The following TNRC6B variants were observed in gnomAD, a reference collection of about 807,000 sequenced individuals.
The protein encoded by TNRC6B is trinucleotide repeat containing adaptor 6B, also known as trinucleotide repeat-containing gene 6B protein.
A neutral mutation model predicts 203.6 loss-of-function variants in TNRC6B; 52 were observed. The ratio of observed to expected loss-of-function variants is 0.26; its 90% CI spans 0.20 to 0.32. TNRC6B has a LOEUF of 0.32. Ranked by LOEUF, TNRC6B falls within the 10% of genes least tolerant of loss-of-function variation. The probability of loss-of-function intolerance (pLI) is 1.00; values close to 1 mark genes in which losing one functional copy is unlikely to be tolerated. For synonymous variants in TNRC6B, 838 were observed against 845.7 expected (o/e 0.99, Z 0.16); for missense variants, 1,923 against 2,286.2 (o/e 0.84, Z 3.24).
chr22:40,272,074 G>A (rs1410774145), intron 6 of TNRC6B, among the ~76,000 whole-genome samples: 3 of 152,102 alleles, frequency 2.0e-5, no homozygotes, highest in Non-Finnish European at 4.4e-5. Context: ...TTTTTAGCTC[G>A]TGTTGCTTGT....
intron 1 of TNRC6B, among the ~76,000 whole-genome samples, chr22:40,084,796 AG>A (rs2068088528): frequency 2.0e-5 from 3 of 152,340 alleles, no homozygotes; most frequent in Non-Finnish European, 4.4e-5. Context: ...AGAGTGCAGT[AG>A]GAGTCAGATG....
At position 40,277,066 on chromosome 22, in the gene TNRC6B, C is replaced by T; in HGVS notation, c.3142-11C>T. On this transcript the variant is annotated splice_polypyrimidine_tract_variant and intron_variant, in intron 7 of 22. Transcript: ENST00000454349. ...TATTTGGTTCTGAGGTTCCGTGTTTCATTTCTGTAGTGCTCACTCAAAGGA... is the reference window on the plus strand; with the variant it reads ...TATTTGGTTCTGAGGTTCCGTGTTTTATTTCTGTAGTGCTCACTCAAAGGA... 6.4e-7 allele frequency: 1 copy of T among 1,567,746 alleles called. No homozygotes were observed. Among genetic ancestry groups the T allele is most frequent in the Non-Finnish European group, 8.6e-7 (1 of 1,160,266 alleles).
Position 40,329,861 on chromosome 22 carries a change from T to G in TNRC6B, c.*6620T>G, listed in dbSNP as rs1297015116. 1 of 152,234 alleles carries G rather than the reference T, an allele frequency of 6.6e-6. No individual in the cohort carries two copies. The highest frequency in any genetic ancestry group is 1.5e-5 in the Non-Finnish European group (1 of 68,052). The allele number at this position is 152,234 out of a possible 1,614,324, so 9.4% of individuals were successfully genotyped here. A position where few individuals can be genotyped will look rare whatever the true frequency, so the allele number is the denominator to read the frequency against. On this transcript the variant is annotated 3_prime_UTR_variant, in exon 23 of 23. Coordinates refer to ENST00000454349, the MANE Select transcript of TNRC6B (RefSeq NM_001162501.2). ...TCACCAAATTTAAATCGTTCCCTTT[T>G]CAGTTAGCTATATACCTGAATTTGT...
rs370069647 is a variant in TNRC6B at position 40,179,924 on chromosome 22, G to A, written c.5+1784G>A. On this transcript the variant is annotated intron_variant, in intron 1 of 22. Transcript: ENST00000454349. ...AAGCCCTCTGTCTCTAACAAGCAAG[G>A]ATTTTATTATTTTAAAAAATTAATG... 3.3e-5 allele frequency among the ~76,000 whole-genome samples: 5 copies of A among 152,240 alleles called. 1 individual carries two copies. Among genetic ancestry groups the A allele is most frequent in the East Asian group, 1.9e-4 (1 of 5,186 alleles).
At chr22:40,273,762 G>C (rs2070598680) in intron 7 of TNRC6B, among the ~76,000 whole-genome samples, 162 bp downstream of exon 7, 1 of 152,130 alleles carries the variant, frequency 6.6e-6, no homozygotes, top group South Asian at 2.1e-4. Flanking sequence ...CTGGGCTCAA[G>C]CAGTCCTCCC....
chr22:40,209,933 G>A (rs1359663163), intron 1 of TNRC6B, among the ~76,000 whole-genome samples: 1 of 151,634 alleles, frequency 6.6e-6, no homozygotes, highest in Non-Finnish European at 1.5e-5. Flanking sequence ...GCAGAGAATT[G>A]CTTGAACCCA....
chr22:40,284,015 G>A (rs2070752488), intron 11 of TNRC6B, among the ~76,000 whole-genome samples: 1 of 152,228 alleles, frequency 6.6e-6, no homozygotes, highest in Non-Finnish European at 1.5e-5. Flanking sequence ...TATCCTTGGT[G>A]AAATAAATGT....
At chr22:40,125,924 G>A (rs979653419) in intron 3 of TNRC6B, 4 of 1,478,744 alleles carry the variant, frequency 2.7e-6, no homozygotes, top group Admixed American at 2.3e-5. Flanking sequence ...CTGTGGATGA[G>A]TAGAATGGGT....
intron 3 of TNRC6B, among the ~76,000 whole-genome samples, chr22:40,254,101 A>G (rs1019402956): frequency 6.6e-5 from 10 of 152,174 alleles, no homozygotes; most frequent in African/African-American, 2.4e-4. Context: ...GGAATAGGGT[A>G]GAGATTTCAA....
chr22:40,243,479 A>C (rs565732078), intron 1 of TNRC6B, among the ~76,000 whole-genome samples: 1 of 152,250 alleles, frequency 6.6e-6, no homozygotes, highest in Non-Finnish European at 1.5e-5. Flanking sequence ...ATGAATTTCA[A>C]TCTATTTCCC....
chr22:40,116,675 A>G (rs758833662), intron 1 of TNRC6B, among the ~76,000 whole-genome samples: 1 of 152,168 alleles, frequency 6.6e-6, no homozygotes, highest in Non-Finnish European at 1.5e-5. Flanking sequence ...TGATGGGCTG[A>G]TATGAGGGGT....
chr22:40,304,530 G>A (rs73420560), intron 15 of TNRC6B, among the ~76,000 whole-genome samples: 4,356 of 152,178 alleles, frequency 0.029, 198 homozygotes, highest in African/African-American at 0.1. Context: ...AAAGAAATTC[G>A]AGAAGTAAGT....
chr22:40,226,379 A>C (rs2069785759), intron 1 of TNRC6B, among the ~76,000 whole-genome samples: 1 of 152,184 alleles, frequency 6.6e-6, no homozygotes, highest in Non-Finnish European at 1.5e-5. Flanking sequence ...GAGGATTTCC[A>C]GGATTCGAAT....
intron 1 of TNRC6B, among the ~76,000 whole-genome samples, chr22:40,210,922 A>G (rs1237951565): frequency 2.0e-5 from 3 of 152,156 alleles, no homozygotes; most frequent in African/African-American, 4.8e-5. Context: ...ACTAGATGCT[A>G]TTAGCACCCT....
intron 4 of TNRC6B, among the ~76,000 whole-genome samples, chr22:40,162,165 C>T (rs920091974): frequency 2.0e-5 from 3 of 152,116 alleles, no homozygotes; most frequent in Non-Finnish European, 2.9e-5. Context: ...GGCGCAATCT[C>T]GGCTCACTGC....
chr22:40,051,389 C>T (rs145907931), intron 1 of TNRC6B, among the ~76,000 whole-genome samples: 2 of 152,318 alleles, frequency 1.3e-5, no homozygotes, highest in Admixed American at 6.5e-5. Flanking sequence ...GTTATTCTTC[C>T]GTATTTCAAC....
chr22:40,186,116 G>T (rs2069198988), intron 1 of TNRC6B, among the ~76,000 whole-genome samples: 1 of 152,086 alleles, frequency 6.6e-6, no homozygotes, highest in Non-Finnish European at 1.5e-5. Context: ...GTCACCATGG[G>T]ACTGTAAAGA....
chr22:40,143,711 T>G (rs1002245179), intron 3 of TNRC6B, among the ~76,000 whole-genome samples: 6 of 152,204 alleles, frequency 3.9e-5, no homozygotes, highest in African/African-American at 1.4e-4. Flanking sequence ...TTAGCCAGGA[T>G]GGTCTCGATC....
intron 5 of TNRC6B, among the ~76,000 whole-genome samples, chr22:40,267,727 G>A (rs1012007041): frequency 5.3e-5 from 8 of 152,104 alleles, no homozygotes; most frequent in African/African-American, 7.2e-5. Context: ...AAAATCAGAC[G>A]GGTGTGGTGC....
Sources: gnomAD v4.1 joint callset for allele counts (sites outside exome capture counted in the v4.1 genomes callset) on GRCh38, gnomAD v4.1.1 for gene constraint, MANE v1.5 for transcripts, NCBI Gene and HGNC (gene_info 2026-07-23, HGNC 2026-07-21) for gene names.